Variants in CCDC6 observed in about 807,000 individuals in gnomAD.
The protein encoded by CCDC6 is coiled-coil domain containing 6, also known as coiled-coil domain-containing protein 6.
Under a neutral mutation model 56.6 loss-of-function variants are expected in CCDC6, and 20 were observed. The ratio of observed to expected loss-of-function variants is 0.35; its 90% confidence interval spans 0.25 to 0.51. CCDC6 has a LOEUF of 0.51. CCDC6 is among the 20% of genes least tolerant of loss of function. The probability of loss-of-function intolerance (pLI) is 0.95; values close to 1 mark genes in which losing one functional copy is unlikely to be tolerated. For synonymous variants in CCDC6, 241 were observed against 234.4 expected, an observed-to-expected ratio of 1.03 and a Z score of -0.26; for missense variants, 367 against 601.1, an observed-to-expected ratio of 0.61 and a Z score of 4.07.
chr10:59,843,767 A>T (rs1257555011), intron 2 of CCDC6, among the ~76,000 whole-genome samples: 1 of 152,214 alleles, frequency 6.6e-6, no homozygotes, highest in East Asian at 1.9e-4. Context: ...CCTTAATCCA[A>T]AATCAAAGCC....
In CCDC6 at chr10:59,885,685, T is replaced by C. The variant is rs181333762; in HGVS notation, c.303+20437A>G. Among the ~76,000 whole-genome samples the C allele has an allele frequency of 2.0e-5, 3 of 152,092 alleles. No individual in the cohort carries two copies. In the East Asian group the frequency reaches 5.8e-4, roughly 29 times the overall value. On this transcript the variant is annotated intron_variant, in intron 1 of 8. Transcript: ENST00000263102. ...CGCTTTCAGGATTTTTTGCATAGCC[T>C]CTTCCCTGGGCCCAGAACATTTTTT...
Position 59,814,969 on chromosome 10 carries a change from G to A in CCDC6, c.583-214C>T, listed in dbSNP as rs1251230478. ...GATGTTAATGCTTAATTGTTGTCTG[G>A]TACATGAAATGCATTGCTTGTTTCA... On this transcript the variant is annotated intron_variant, in intron 3 of 8. Coordinates refer to ENST00000263102, the MANE Select transcript of CCDC6 (RefSeq NM_005436.5). Among the ~76,000 whole-genome samples, 5 of 152,186 alleles carry A rather than the reference G, an allele frequency of 3.3e-5. No individual in the cohort carries two copies. In the East Asian group the frequency reaches 9.6e-4, roughly 29 times the overall value.
intron 3 of CCDC6, among the ~76,000 whole-genome samples, chr10:59,818,432 C>G (rs750612320): frequency 7.5e-5 from 11 of 146,054 alleles, no homozygotes; most frequent in Non-Finnish European, 1.5e-4. Context: ...CCCAGCTCAG[C>G]CGTGTGGATT....
At chr10:59,902,664 TG>T (rs1356483867) in intron 1 of CCDC6, among the ~76,000 whole-genome samples, 2 of 152,088 alleles carry the variant, frequency 1.3e-5, no homozygotes, top group African/African-American at 2.4e-5. Context: ...CTCCCCAAAG[TG>T]CTGGGATTAC....
intron 1 of CCDC6, among the ~76,000 whole-genome samples, chr10:59,857,123 C>T (rs1033849742): frequency 1.3e-5 from 2 of 152,082 alleles, no homozygotes; most frequent in African/African-American, 2.4e-5. Flanking sequence ...GACCACAAAG[C>T]GTCTCTTCAT....
At chr10:59,868,486 G>A (rs2071197088) in intron 1 of CCDC6, among the ~76,000 whole-genome samples, 1 of 152,042 alleles carries the variant, frequency 6.6e-6, no homozygotes, top group Non-Finnish European at 1.5e-5. Context: ...ACTGCCACTG[G>A]ACACTCTTCC....
At chr10:59,817,107 T>C (rs2070715815) in intron 3 of CCDC6, among the ~76,000 whole-genome samples, 1 of 152,244 alleles carries the variant, frequency 6.6e-6, no homozygotes, top group Admixed American at 6.5e-5. Flanking sequence ...GACCCTTATA[T>C]GACTCCTATT....
At chr10:59,864,841 A>T (rs2071163629) in intron 1 of CCDC6, among the ~76,000 whole-genome samples, 1 of 152,174 alleles carries the variant, frequency 6.6e-6, no homozygotes, top group East Asian at 1.9e-4. Context: ...ATGATATATA[A>T]AAAAGAGATC....
chr10:59,903,598 C>T (rs2071520157), intron 1 of CCDC6, among the ~76,000 whole-genome samples: 1 of 152,144 alleles, frequency 6.6e-6, no homozygotes, highest in Admixed American at 6.5e-5. Context: ...TGCCCAAGGA[C>T]ATGAACGTTA....
chr10:59,803,581 T>C (rs1312343053), intron 7 of CCDC6, among the ~76,000 whole-genome samples: 3 of 152,172 alleles, frequency 2.0e-5, no homozygotes, highest in Admixed American at 6.5e-5. Flanking sequence ...TCACCTTTTC[T>C]TTCCTCCCCC....
At chr10:59,815,116 T>C (rs187645240) in intron 3 of CCDC6, among the ~76,000 whole-genome samples, 174 of 152,308 alleles carry the variant, frequency 1.1e-3, no homozygotes, top group African/African-American at 4.0e-3. Context: ...CAGTTATTCT[T>C]CCGGGCTTGT....
At chr10:59,886,153 G>A (rs963204855) in intron 1 of CCDC6, among the ~76,000 whole-genome samples, 1 of 152,120 alleles carries the variant, frequency 6.6e-6, no homozygotes, top group African/African-American at 2.4e-5. Context: ...CTTTAAGCAG[G>A]GGAAATGGAA....
At chr10:59,795,471 T>TTTATTA (rs59205170) in intron 7 of CCDC6, among the ~76,000 whole-genome samples, 24 of 150,604 alleles carry the variant, frequency 1.6e-4, no homozygotes, top group East Asian at 7.8e-4. Flanking sequence ...CTTATTCATT[T>TTTATTA]TTATTATTAT....
At chr10:59,856,032 A>G (rs1484990261) in intron 1 of CCDC6, among the ~76,000 whole-genome samples, 1 of 152,230 alleles carries the variant, frequency 6.6e-6, no homozygotes, top group African/African-American at 2.4e-5. Flanking sequence ...GGACCTCTGA[A>G]TGAACATGAG....
rs190535737 is a variant in CCDC6 at position 59,884,901 on chromosome 10, T to C, written c.303+21221A>G. Among the ~76,000 whole-genome samples, 61 of 152,078 alleles carry C rather than the reference T, an allele frequency of 4.0e-4. 1 individual carries two copies. The East Asian group carries it at 0.011, about 28-fold the overall frequency. On this transcript the variant is annotated intron_variant, in intron 1 of 8. Coordinates refer to ENST00000263102, the MANE Select transcript of CCDC6 (RefSeq NM_005436.5). ...CAACATGGTGAAACCCCATCTCTAC[T>C]AAAAATACAAAAATTAGCCAGGCAT...
At chr10:59,847,732 T>G (rs2071004791) in intron 2 of CCDC6, among the ~76,000 whole-genome samples, 1 of 151,708 alleles carries the variant, frequency 6.6e-6, no homozygotes, top group Non-Finnish European at 1.5e-5. Flanking sequence ...TTAGAAGGAC[T>G]AGGGCACAAA....
intron 3 of CCDC6, among the ~76,000 whole-genome samples, chr10:59,819,582 G>T (rs1279441641): frequency 1.3e-5 from 2 of 152,218 alleles, no homozygotes; most frequent in East Asian, 3.9e-4. Flanking sequence ...ACACTGTCCT[G>T]GTCATTGCAC....
chr10:59,827,953 A>G (rs2070802665), intron 3 of CCDC6, among the ~76,000 whole-genome samples: 1 of 152,160 alleles, frequency 6.6e-6, no homozygotes, highest in Non-Finnish European at 1.5e-5. Context: ...ACCGTATGCC[A>G]CTGTTGTCTT....
rs1041195983 is a variant in CCDC6 at position 59,866,241 on chromosome 10, T to C, written c.304-13539A>G. Reference sequence around the variant, plus strand: ...AATTAAAGAAAAGCAACATCATTAATCCATACATTTAGCAATTGGCCTTGG... The same window carrying C: ...AATTAAAGAAAAGCAACATCATTAACCCATACATTTAGCAATTGGCCTTGG... On this transcript the variant is annotated intron_variant, in intron 1 of 8. Transcript: ENST00000263102. 8.5e-5 allele frequency among the ~76,000 whole-genome samples: 13 copies of C among 152,370 alleles called. No homozygotes were observed. In the East Asian group the frequency reaches 2.5e-3, roughly 29 times the overall value.
Sources: gnomAD v4.1 joint callset for allele counts (sites outside exome capture counted in the v4.1 genomes callset) on GRCh38, gnomAD v4.1.1 for gene constraint, MANE v1.5 for transcripts, NCBI Gene and HGNC (gene_info 2026-07-23, HGNC 2026-07-21) for gene names.